Variants in ARHGAP26 observed in about 807,000 individuals in gnomAD.
ARHGAP26 encodes the protein Rho GTPase activating protein 26, also known as rho GTPase-activating protein 26.
A neutral mutation model predicts 104.8 loss-of-function variants in ARHGAP26; 38 were observed. The ratio of observed to expected loss-of-function variants is 0.36; its 90% CI spans 0.28 to 0.48. The LOEUF (loss-of-function observed/expected upper bound fraction) is 0.48. Ranked by LOEUF, ARHGAP26 falls within the 20% of genes least tolerant of loss-of-function variation. ARHGAP26 has a pLI of 0.99. For missense variants in ARHGAP26, 704 were observed against 947.9 expected (o/e 0.74, Z 3.38); for synonymous variants, 341 against 340.0 (o/e 1.00, Z -0.03).
chr5:143,185,648 C>G (rs944302873), intron 20 of ARHGAP26, among the ~76,000 whole-genome samples: 4 of 152,230 alleles, frequency 2.6e-5, no homozygotes, highest in Admixed American at 2.0e-4. Flanking sequence ...TTATCCGGTT[C>G]AGCAAGTATC....
intron 1 of ARHGAP26, among the ~76,000 whole-genome samples, chr5:142,867,393 G>A (rs960126119): frequency 2.0e-5 from 3 of 151,882 alleles, no homozygotes; most frequent in African/African-American, 7.3e-5. Flanking sequence ...ACAAGGGACT[G>A]TAACTTGCTT....
chr5:142,975,036 C>T (rs145765615), intron 11 of ARHGAP26, among the ~76,000 whole-genome samples: 73 of 152,328 alleles, frequency 4.8e-4, no homozygotes, highest in Admixed American at 6.5e-4. Context: ...TGACGTGGTA[C>T]ATCCAACTTC....
chr5:142,949,176 A>AGAGAGAGAGAGAGAGAGAGAGGG (rs1562135338), intron 11 of ARHGAP26, among the ~76,000 whole-genome samples: 1 of 3,112 alleles, frequency 3.2e-4, no homozygotes. Flanking sequence ...AGAGAGAGAG[A>AGAGAGAGAGAGAGAGAGAGAGGG]GAGAGAGAGA....
At chr5:142,829,099 A>T (rs1767881065) in intron 1 of ARHGAP26, among the ~76,000 whole-genome samples, 1 of 152,184 alleles carries the variant, frequency 6.6e-6, no homozygotes, top group Non-Finnish European at 1.5e-5. Flanking sequence ...TGAGTCAGGG[A>T]AAGGCTGGTG....
chr5:143,150,445 G>A (rs143277806), intron 20 of ARHGAP26, among the ~76,000 whole-genome samples: 61 of 152,328 alleles, frequency 4.0e-4, no homozygotes, highest in African/African-American at 1.4e-3. Context: ...CACACACTAG[G>A]TCGAAGTAGT....
At chr5:143,096,354 A>G (rs1237644956) in intron 17 of ARHGAP26, among the ~76,000 whole-genome samples, 1 of 152,244 alleles carries the variant, frequency 6.6e-6, no homozygotes, top group Non-Finnish European at 1.5e-5. Context: ...TTTTCTTGAA[A>G]GCATAAATTT....
intron 17 of ARHGAP26, among the ~76,000 whole-genome samples, chr5:143,111,402 G>T (rs1350464149): frequency 6.6e-6 from 1 of 152,174 alleles, no homozygotes; most frequent in Non-Finnish European, 1.5e-5. Context: ...TCAAATTCTA[G>T]ATATGTGACC....
chr5:142,934,574 C>G (rs1315762728), intron 11 of ARHGAP26, among the ~76,000 whole-genome samples: 5 of 152,200 alleles, frequency 3.3e-5, no homozygotes, highest in Non-Finnish European at 7.3e-5. Context: ...ATTAGCAGCT[C>G]CAGCTTTAAT....
At chr5:142,983,149 C>A (rs1326796938) in intron 11 of ARHGAP26, among the ~76,000 whole-genome samples, 6 of 152,172 alleles carry the variant, frequency 3.9e-5, no homozygotes, top group African/African-American at 1.2e-4. Flanking sequence ...TGTCTGTGAT[C>A]TCTGAGCCTT....
At chr5:143,200,474 A>G (rs1310131787) in intron 20 of ARHGAP26, among the ~76,000 whole-genome samples, 2 of 152,248 alleles carry the variant, frequency 1.3e-5, no homozygotes, top group African/African-American at 4.8e-5. Flanking sequence ...AGAGTATACC[A>G]TACAATAGAA....
intron 17 of ARHGAP26, among the ~76,000 whole-genome samples, chr5:143,081,494 G>A (rs1196507076): frequency 6.6e-6 from 1 of 152,212 alleles, no homozygotes; most frequent in Non-Finnish European, 1.5e-5. Context: ...TTTGAAGAGT[G>A]GAAGTCCTGG....
rs147652266 is a variant in ARHGAP26 at position 142,881,664 on chromosome 5, CCA to C, written c.384+2228_384+2229del. Among the ~76,000 whole-genome samples, 1,380 of 152,234 alleles carry C rather than the reference CCA, an allele frequency of 9.1e-3. 23 individuals carry two copies. The highest frequency in any genetic ancestry group is 0.079 in the East Asian group (408 of 5,180). ...CTGGCATGTCCTCCTTTGCATCACTCCACACACACATACATTTATATCATAAC... is the reference window on the plus strand; with the variant it reads ...CTGGCATGTCCTCCTTTGCATCACTCCACACACATACATTTATATCATAAC... On this transcript the variant is annotated intron_variant, in intron 4 of 22. Coordinates refer to ENST00000645722, the MANE Select transcript of ARHGAP26 (RefSeq NM_001135608.3).
At chr5:143,132,872 A>AC in intron 18 of ARHGAP26, among the ~76,000 whole-genome samples, 1 of 152,254 alleles carries the variant, frequency 6.6e-6, no homozygotes, top group African/African-American at 2.4e-5. Context: ...AAAAAAAAAA[A>AC]AAAAAACTGT....
chr5:142,908,714 A>G (rs1437993947), intron 9 of ARHGAP26: 1 of 166,160 alleles, frequency 6.0e-6, no homozygotes, highest in East Asian at 1.9e-4. Context: ...GAGGGGCATC[A>G]AAGTCTCATT....
At chr5:143,043,913 A>C (rs1783839795) in intron 14 of ARHGAP26, among the ~76,000 whole-genome samples, 1 of 152,206 alleles carries the variant, frequency 6.6e-6, no homozygotes, top group South Asian at 2.1e-4. Context: ...AGTATTCTGA[A>C]CAAAGGGTCT....
chr5:143,099,400 C>A (rs1026102911), intron 17 of ARHGAP26, among the ~76,000 whole-genome samples: 8 of 152,098 alleles, frequency 5.3e-5, no homozygotes, highest in Non-Finnish European at 1.0e-4. Context: ...GACATGGGGA[C>A]CACTTGTGGG....
intron 14 of ARHGAP26, 86 bp from the exon 15 acceptor site, chr5:143,054,353 C>CTA (rs1785486301): frequency 1.3e-6 from 1 of 796,982 alleles, no homozygotes. Flanking sequence ...TCTCTAGTTA[C>CTA]TAGCAAGATT....
chr5:143,039,996 G>T (rs1003927388), intron 13 of ARHGAP26, among the ~76,000 whole-genome samples: 3 of 152,208 alleles, frequency 2.0e-5, no homozygotes, highest in African/African-American at 7.2e-5. Flanking sequence ...CGATTGCAGT[G>T]TGTGTATGTG....
At chr5:142,870,373 A>G (rs1384907886) in intron 1 of ARHGAP26, among the ~76,000 whole-genome samples, 2 of 152,196 alleles carry the variant, frequency 1.3e-5, no homozygotes, top group Admixed American at 6.5e-5. Flanking sequence ...TTTTAGGTAG[A>G]GAGTTCTCTT....
Sources: allele counts gnomAD v4.1 joint callset (sites outside exome capture counted in the v4.1 genomes callset), GRCh38; gene constraint gnomAD v4.1.1; transcripts MANE v1.5; gene names NCBI Gene and HGNC (gene_info 2026-07-23, HGNC 2026-07-21).